NAALADL2: variants seen among roughly 807,000 people sequenced by gnomAD.
NAALADL2 encodes N-acetylated alpha-linked acidic dipeptidase like 2, also known as inactive N-acetylated-alpha-linked acidic dipeptidase-like protein 2.
Under a neutral mutation model 87.2 loss-of-function variants are expected in NAALADL2, and 76 were observed. That is an observed-to-expected ratio of 0.87 (90% CI 0.72 to 1.05). The LOEUF (loss-of-function observed/expected upper bound fraction) is 1.05. Among genes scored for constraint, NAALADL2 ranks in the 50% least tolerant of loss-of-function variants. The pLI is 0.00. For missense variants in NAALADL2, 1,089 were observed against 945.8 expected, an observed-to-expected ratio of 1.15 and a Z score of -1.99; for synonymous variants, 354 against 331.0, an observed-to-expected ratio of 1.07 and a Z score of -0.75.
chr3:175,281,669 A>C (rs1754328419), intron 4 of NAALADL2, among the ~76,000 whole-genome samples: 1 of 152,094 alleles, frequency 6.6e-6, no homozygotes, highest in African/African-American at 2.4e-5. Flanking sequence ...TATGCGATTA[A>C]ATTTTTTTCT....
At chr3:175,771,632 C>T (rs545278393) in intron 13 of NAALADL2, among the ~76,000 whole-genome samples, 1 of 152,076 alleles carries the variant, frequency 6.6e-6, no homozygotes, top group Non-Finnish European at 1.5e-5. Flanking sequence ...CTTCACATGG[C>T]CTTCTCGTCT....
chr3:175,650,870 G>A (rs1032109557), intron 11 of NAALADL2, among the ~76,000 whole-genome samples: 4 of 152,080 alleles, frequency 2.6e-5, no homozygotes, highest in Admixed American at 6.5e-5. Flanking sequence ...AACCCAAACC[G>A]CCTCACCATT....
intron 2 of NAALADL2, among the ~76,000 whole-genome samples, chr3:174,567,955 C>T (rs910580055): frequency 4.0e-5 from 6 of 151,684 alleles, no homozygotes; most frequent in African/African-American, 1.4e-4. Flanking sequence ...ATTACCACCT[C>T]TCTATTTGTT....
At chr3:175,254,287 C>A (rs1749554378) in intron 3 of NAALADL2, among the ~76,000 whole-genome samples, 1 of 152,158 alleles carries the variant, frequency 6.6e-6, no homozygotes, top group Non-Finnish European at 1.5e-5. Context: ...GAGGCAAGAC[C>A]TTTCACTAGC....
intron 2 of NAALADL2, among the ~76,000 whole-genome samples, chr3:174,653,683 G>C (rs1724611148): frequency 6.6e-6 from 1 of 152,018 alleles, no homozygotes; most frequent in Non-Finnish European, 1.5e-5. Flanking sequence ...TATGGACAAT[G>C]GCAGAGTAGC....
intron 11 of NAALADL2, chr3:175,675,469 T>C (rs1010748540): frequency 6.6e-6 from 1 of 152,204 alleles, no homozygotes; most frequent in African/African-American, 2.4e-5. Context: ...ATTGCTAGAT[T>C]GGCTTCATAA....
At chr3:175,506,785 T>C (rs1290895677) in intron 9 of NAALADL2, among the ~76,000 whole-genome samples, 2 of 152,210 alleles carry the variant, frequency 1.3e-5, no homozygotes, top group Admixed American at 6.5e-5. Flanking sequence ...TCATCATGCA[T>C]AAATATTCTT....
intron 2 of NAALADL2, among the ~76,000 whole-genome samples, chr3:175,167,850 A>AT (rs951380059): frequency 2.0e-5 from 3 of 151,836 alleles, no homozygotes; most frequent in Admixed American, 2.0e-4. Context: ...TTATTCCTTT[A>AT]TTTTTTATTA....
intron 3 of NAALADL2, among the ~76,000 whole-genome samples, chr3:174,765,174 G>C (rs1249723886): frequency 7.6e-5 from 11 of 145,206 alleles, no homozygotes; most frequent in Non-Finnish European, 1.5e-4. Flanking sequence ...GAGAGAGACA[G>C]AGAGAACAAG....
intron 6 of NAALADL2, among the ~76,000 whole-genome samples, chr3:175,457,740 C>T (rs1722535392): frequency 1.5e-5 from 2 of 135,432 alleles, no homozygotes; most frequent in South Asian, 2.3e-4. Context: ...TCAGGCTGGT[C>T]TCAAACTCTT....
chr3:175,197,107 G>T (rs1739130770), intron 2 of NAALADL2, among the ~76,000 whole-genome samples: 1 of 152,074 alleles, frequency 6.6e-6, no homozygotes, highest in African/African-American at 2.4e-5. Context: ...TTAAATGGAT[G>T]CTTGCAACAC....
chr3:175,202,164 C>T (rs998445142), intron 2 of NAALADL2, among the ~76,000 whole-genome samples: 18 of 152,082 alleles, frequency 1.2e-4, no homozygotes, highest in Admixed American at 7.2e-4. Flanking sequence ...TATTCCTAAT[C>T]ACTCTGCTTT....
At chr3:175,292,593 T>TACACAC (rs71164627) in intron 4 of NAALADL2, among the ~76,000 whole-genome samples, 4,548 of 145,318 alleles carry the variant, frequency 0.031, 90 homozygotes, top group African/African-American at 0.056. Context: ...TGAGTTGGGA[T>TACACAC]ACACACACAC....
At chr3:175,161,013 T>G (rs1733115599) in intron 2 of NAALADL2, among the ~76,000 whole-genome samples, 1 of 152,108 alleles carries the variant, frequency 6.6e-6, no homozygotes, top group African/African-American at 2.4e-5. Flanking sequence ...TTAAGTGAAT[T>G]TAGTCAAATA....
intron 10 of NAALADL2, among the ~76,000 whole-genome samples, chr3:175,587,337 C>A (rs1720680296): frequency 6.6e-6 from 1 of 152,092 alleles, no homozygotes. Context: ...GTAGTTCAAA[C>A]TCATAATGTT....
At chr3:174,652,986 T>A (rs1724528346) in intron 2 of NAALADL2, among the ~76,000 whole-genome samples, 1 of 152,150 alleles carries the variant, frequency 6.6e-6, no homozygotes. Context: ...ATCAAGGGAA[T>A]GCAAACAAAA....
chr3:175,462,387 G>A (rs2149265660), intron 6 of NAALADL2, among the ~76,000 whole-genome samples: 1 of 152,218 alleles, frequency 6.6e-6, no homozygotes, highest in South Asian at 2.1e-4. Flanking sequence ...TTTTGTTTTG[G>A]TTATTATTTT....
intron 2 of NAALADL2, among the ~76,000 whole-genome samples, chr3:174,596,249 A>C (rs1314228542): frequency 6.6e-6 from 1 of 152,114 alleles, no homozygotes; most frequent in African/African-American, 2.4e-5. Context: ...TGGTAAAGCC[A>C]ACGTGCCAAA....
At chr3:175,136,539 ATGTATT>A (rs941010064) in intron 2 of NAALADL2, among the ~76,000 whole-genome samples, 9 of 152,146 alleles carry the variant, frequency 5.9e-5, no homozygotes, top group Non-Finnish European at 1.2e-4. Context: ...AGAGAAAACT[ATGTATT>A]TGTTCCTCTT....
Sources: allele counts gnomAD v4.1 joint callset (sites outside exome capture counted in the v4.1 genomes callset), GRCh38; gene constraint gnomAD v4.1.1; transcripts MANE v1.5; gene names NCBI Gene and HGNC (gene_info 2026-07-23, HGNC 2026-07-21).